CLNK: variants seen among roughly 807,000 people sequenced by gnomAD.
CLNK encodes the protein cytokine dependent hematopoietic cell linker.
A neutral mutation model predicts 68.6 loss-of-function variants in CLNK; 74 were observed. The observed-to-expected ratio is 1.08, with a 90% CI of 0.89 to 1.31. The LOEUF is 1.31. Ranked by LOEUF, CLNK falls within the 50% of genes most tolerant of loss-of-function variation. The probability of loss-of-function intolerance (pLI) is 0.00; values close to 1 mark genes in which losing one functional copy is unlikely to be tolerated. For missense variants in CLNK, 553 were observed against 515.3 expected (o/e 1.07, Z -0.71); for synonymous variants, 198 against 172.2 (o/e 1.15, Z -1.17).
intron 2 of CLNK, among the ~76,000 whole-genome samples, chr4:10,607,002 C>T (rs1331973035): frequency 1.3e-5 from 2 of 152,184 alleles, no homozygotes; most frequent in Non-Finnish European, 2.9e-5. Context: ...ACATATTGTG[C>T]TGATGTTACA....
intron 2 of CLNK, among the ~76,000 whole-genome samples, chr4:10,627,831 GCTT>G (rs1478979665): frequency 6.6e-6 from 1 of 152,158 alleles, no homozygotes; most frequent in African/African-American, 2.4e-5. Context: ...TCACCTCTGG[GCTT>G]CACAGAGTCT....
the CLNK span, among the ~76,000 whole-genome samples, chr4:10,723,882 CAGAGAG>C: frequency 5.1e-3 from 363 of 70,922 alleles, 11 homozygotes; most frequent in East Asian, 2.9e-3. Flanking sequence ...ACACAGGAGT[CAGAGAG>C]AGAGAGAGAG....
chr4:10,511,129 G>T (rs1717563951), intron 16 of CLNK, among the ~76,000 whole-genome samples: 1 of 151,868 alleles, frequency 6.6e-6, no homozygotes, highest in Non-Finnish European at 1.5e-5. Context: ...TGGCACTCCA[G>T]CCTGGGCAAA....
Position 10,520,819 on chromosome 4 carries a change from C to A in CLNK, c.744G>T (p.Thr248=), listed in dbSNP as rs777926065. Residue 248 remains threonine (T), a synonymous_variant, in exon 15 of 19, where the codon ACG becomes ACT. Transcript: ENST00000226951. ...IPLAISSSSF[T]TSNHSVQNRD... Reference sequence around the variant, plus strand: ...TGTTTTGCACACTGTGGTTGCTTGTCGTGAATGAAGAACTATAAGAAAATA... The same window carrying A: ...TGTTTTGCACACTGTGGTTGCTTGTAGTGAATGAAGAACTATAAGAAAATA... 1.1e-5 allele frequency: 17 copies of A among 1,605,904 alleles called. No individual in the cohort carries two copies. The highest frequency in any genetic ancestry group is 1.4e-5 in the Non-Finnish European group (16 of 1,174,822).
chr4:10,539,302 G>C (rs189417292), intron 11 of CLNK, among the ~76,000 whole-genome samples: 2 of 152,172 alleles, frequency 1.3e-5, no homozygotes, highest in African/African-American at 2.4e-5. Context: ...GGAGGAAATG[G>C]TGAAGAGACA....
Position 10,661,089 on chromosome 4 carries a change from T to G in CLNK, c.11+6770A>C, listed in dbSNP as rs573429672. ...TTGCTTGTTCTCATTTTCTCTAGAT[T>G]CAGTGGGATTTACACTTATTTATTC... On this transcript the variant is annotated intron_variant, in intron 2 of 18. Transcript: ENST00000226951. Among the ~76,000 whole-genome samples, 13 of 152,322 alleles carry G rather than the reference T, an allele frequency of 8.5e-5. No individual in the cohort carries two copies. The East Asian group carries it at 1.9e-3, about 23-fold the overall frequency.
intron 18 of CLNK, among the ~76,000 whole-genome samples, chr4:10,492,482 C>A (rs1479710719): frequency 6.6e-6 from 1 of 152,146 alleles, no homozygotes; most frequent in Non-Finnish European, 1.5e-5. Flanking sequence ...CTGTTGGGAG[C>A]AGGCAGAAAA....
the CLNK span, among the ~76,000 whole-genome samples, chr4:10,700,002 A>ATGTGTGTGTGTG: frequency 2.5e-5 from 1 of 39,832 alleles, no homozygotes; most frequent in South Asian, 1.4e-3. Flanking sequence ...CTGTGTGTGC[A>ATGTGTGTGTGTG]TATGTGTGTG....
rs113183283 is a variant in CLNK at position 10,607,830 on chromosome 4, C to A, written c.12-9781G>T. Reference sequence around the variant, plus strand: ...TTGAGCCCTAACTATTTTATCAACTCATTGTGTCACTGAACTAAATCACTT... The same window carrying A: ...TTGAGCCCTAACTATTTTATCAACTAATTGTGTCACTGAACTAAATCACTT... On this transcript the variant is annotated intron_variant, in intron 2 of 18. Transcript: ENST00000226951. Among the ~76,000 whole-genome samples the A allele has an allele frequency of 4.7e-3, 712 of 152,322 alleles. 2 individuals carry two copies. Among genetic ancestry groups the A allele is most frequent in the Non-Finnish European group, 7.5e-3 (513 of 68,032 alleles).
intron 3 of CLNK, among the ~76,000 whole-genome samples, chr4:10,591,020 A>G (rs570895944): frequency 3.9e-5 from 6 of 152,190 alleles, no homozygotes; most frequent in Non-Finnish European, 8.8e-5. Flanking sequence ...CTGATGACAC[A>G]TCTCTCCACC....
At chr4:10,679,960 G>A (rs1249822610) in intron 1 of CLNK, among the ~76,000 whole-genome samples, 2 of 152,150 alleles carry the variant, frequency 1.3e-5, no homozygotes, top group South Asian at 2.1e-4. Flanking sequence ...TCAGTGTGGT[G>A]ATTCCTCAGG....
At chr4:10,691,606 C>CAAA in the CLNK span, among the ~76,000 whole-genome samples, 3 of 148,534 alleles carry the variant, frequency 2.0e-5, no homozygotes, top group Non-Finnish European at 3.0e-5. Flanking sequence ...TCCATAACAG[C>CAAA]AAAAAAAAAA....
At chr4:10,563,623 C>G (rs1358927226) in intron 7 of CLNK, among the ~76,000 whole-genome samples, 1 of 152,030 alleles carries the variant, frequency 6.6e-6, no homozygotes, top group African/African-American at 2.4e-5. Context: ...AAAATACTGA[C>G]AATGGCCCGG....
chr4:10,494,499 C>G (rs1716724220), intron 18 of CLNK, among the ~76,000 whole-genome samples: 4 of 151,492 alleles, frequency 2.6e-5, no homozygotes, highest in Admixed American at 2.6e-4. Context: ...ACTCTGTCAC[C>G]CAGGCTGGAT....
intron 11 of CLNK, among the ~76,000 whole-genome samples, chr4:10,535,235 G>GAAAGAAAGAA (rs1560205664): frequency 2.0e-5 from 3 of 149,908 alleles, no homozygotes; most frequent in Non-Finnish European, 4.4e-5. Flanking sequence ...AAGAAAGAAA[G>GAAAGAAAGAA]AAAGAAAGAA....
At chr4:10,709,062 T>G in the CLNK span, among the ~76,000 whole-genome samples, 2 of 152,196 alleles carry the variant, frequency 1.3e-5, no homozygotes, top group Non-Finnish European at 2.9e-5. Context: ...TTAATCATTT[T>G]AATAAAAGCT....
rs1271949104 is a variant in CLNK at position 10,487,397 on chromosome 4, A to G, written c.*3070T>C. 6.6e-6 allele frequency: 1 copy of G among 152,216 alleles called. No individual in the cohort carries two copies. Among genetic ancestry groups the G allele is most frequent in the East Asian group, 1.9e-4 (1 of 5,202 alleles). The allele number at this position is 152,216 out of a possible 1,614,324, so 9.4% of individuals were successfully genotyped here. ...CTTTACAGAAGTGTTGTAAGAAACA[A>G]ATACAATCGAATTTATATACTCTTA... On this transcript the variant is annotated 3_prime_UTR_variant, in exon 19 of 19. Transcript: ENST00000226951.
At chr4:10,679,060 C>T (rs1169303986) in intron 1 of CLNK, among the ~76,000 whole-genome samples, 1 of 152,184 alleles carries the variant, frequency 6.6e-6, no homozygotes, top group East Asian at 1.9e-4. Flanking sequence ...ATTGCCAACT[C>T]AATCCTAAGC....
chr4:10,562,126 G>A (rs537311632), intron 7 of CLNK, among the ~76,000 whole-genome samples: 145 of 142,434 alleles, frequency 1.0e-3, no homozygotes, highest in African/African-American at 3.6e-3. Flanking sequence ...TTTGAGACAG[G>A]GTCTCACTCT....
Sources: gnomAD v4.1 joint callset for allele counts (sites outside exome capture counted in the v4.1 genomes callset) on GRCh38, gnomAD v4.1.1 for gene constraint, MANE v1.5 for transcripts, NCBI Gene and HGNC (gene_info 2026-07-23, HGNC 2026-07-21) for gene names.